DENND1A: variants seen among roughly 807,000 people sequenced by gnomAD.
DENND1A encodes the protein DENN domain containing 1A.
A neutral mutation model predicts 113.7 loss-of-function variants in DENND1A; 51 were observed. The ratio of observed to expected loss-of-function variants is 0.45; its 90% confidence interval spans 0.36 to 0.57. The LOEUF (loss-of-function observed/expected upper bound fraction) is 0.57, where lower values mean the gene tolerates loss of function less well. DENND1A is among the 20% of genes least tolerant of loss of function. The pLI is 0.00. For missense variants in DENND1A, 1,258 were observed against 1,395.9 expected, an observed-to-expected ratio of 0.90 and a Z score of 1.57; for synonymous variants, 565 against 570.8, an observed-to-expected ratio of 0.99 and a Z score of 0.14.
chr9:123,570,437 G>A (rs1175187140), intron 12 of DENND1A, among the ~76,000 whole-genome samples: 3 of 152,162 alleles, frequency 2.0e-5, no homozygotes, highest in African/African-American at 4.8e-5. Flanking sequence ...GAAAAATGAG[G>A]CACCACTAAA....
intron 21 of DENND1A, among the ~76,000 whole-genome samples, chr9:123,390,359 C>T (rs1475416663): frequency 6.6e-6 from 1 of 152,206 alleles, no homozygotes; most frequent in Non-Finnish European, 1.5e-5. Flanking sequence ...CAAAAGTGCT[C>T]CCCCTCTGGG....
chr9:123,858,810 A>G (rs1844656962), intron 2 of DENND1A, among the ~76,000 whole-genome samples: 1 of 152,236 alleles, frequency 6.6e-6, no homozygotes, highest in African/African-American at 2.4e-5. Context: ...TCCATAAACA[A>G]TTTGAAATGA....
chr9:123,460,214 T>C (rs1348496215), intron 13 of DENND1A, among the ~76,000 whole-genome samples: 1 of 152,212 alleles, frequency 6.6e-6, no homozygotes, highest in African/African-American at 2.4e-5. Context: ...TTATGTGCCA[T>C]TTATTACTTT....
chr9:123,601,603 C>A (rs2059936391), intron 11 of DENND1A, among the ~76,000 whole-genome samples: 1 of 152,154 alleles, frequency 6.6e-6, no homozygotes, highest in East Asian at 1.9e-4. Flanking sequence ...TTTTTCTTTA[C>A]AAAATAAAGC....
intron 5 of DENND1A, among the ~76,000 whole-genome samples, chr9:123,700,755 A>G (rs75135213): frequency 0.016 from 2,450 of 152,306 alleles, 57 homozygotes; most frequent in African/African-American, 0.055. Context: ...TTGACCAAAT[A>G]ATTAGGTACC....
At chr9:123,458,008 T>TC (rs1406959657) in intron 13 of DENND1A, 111 bp from the exon 14 acceptor site, 4 of 816,140 alleles carry the variant, frequency 4.9e-6, no homozygotes, top group Admixed American at 5.6e-5. Flanking sequence ...CTTTTCCTTT[T>TC]TTTTTTTTTT....
At chr9:123,556,341 A>G (rs910316478) in intron 13 of DENND1A, among the ~76,000 whole-genome samples, 1 of 152,134 alleles carries the variant, frequency 6.6e-6, no homozygotes, top group Non-Finnish European at 1.5e-5. Flanking sequence ...CACTTCACAG[A>G]GAGCAGGTCC....
At chr9:123,436,539 C>G (rs1588519060) in intron 19 of DENND1A, among the ~76,000 whole-genome samples, 1 of 152,244 alleles carries the variant, frequency 6.6e-6, no homozygotes, top group East Asian at 1.9e-4. Context: ...AAGGGGAAAA[C>G]AGTAATTTAA....
intron 19 of DENND1A, among the ~76,000 whole-genome samples, chr9:123,436,774 G>T (rs1463513385): frequency 1.3e-5 from 2 of 151,506 alleles, no homozygotes; most frequent in African/African-American, 4.9e-5. Flanking sequence ...TTGAGACAGG[G>T]TCTCGCTCTG....
chr9:123,892,061 G>C (rs1038465866), intron 1 of DENND1A, among the ~76,000 whole-genome samples: 3 of 152,154 alleles, frequency 2.0e-5, no homozygotes, highest in Non-Finnish European at 4.4e-5. Flanking sequence ...GGAGTGAAGA[G>C]AGCTGCACAG....
chr9:123,564,065 C>T (rs1215441356), intron 12 of DENND1A, among the ~76,000 whole-genome samples: 3 of 152,162 alleles, frequency 2.0e-5, no homozygotes, highest in African/African-American at 7.2e-5. Context: ...CAAGGACTTC[C>T]AGTTTAGCCC....
intron 5 of DENND1A, among the ~76,000 whole-genome samples, chr9:123,700,408 A>G (rs1266378183): frequency 2.0e-5 from 3 of 152,342 alleles, no homozygotes; most frequent in East Asian, 1.9e-4. Flanking sequence ...GTGTGTGTGT[A>G]TAAAGAGATT....
chr9:123,848,677 T>C (rs150448294), intron 2 of DENND1A, among the ~76,000 whole-genome samples: 10 of 152,298 alleles, frequency 6.6e-5, no homozygotes, highest in African/African-American at 1.4e-4. Flanking sequence ...CGAAGGCATA[T>C]TGAAAGTCAA....
intron 12 of DENND1A, among the ~76,000 whole-genome samples, chr9:123,582,476 T>A (rs1005947626): frequency 1.3e-5 from 2 of 151,930 alleles, no homozygotes; most frequent in South Asian, 4.2e-4. Flanking sequence ...CTCAGCTCAC[T>A]GCAACCTCTG....
intron 13 of DENND1A, among the ~76,000 whole-genome samples, chr9:123,460,429 G>A (rs1484845017): frequency 1.3e-5 from 2 of 152,116 alleles, no homozygotes; most frequent in African/African-American, 4.8e-5. Flanking sequence ...ACAAATCCTG[G>A]CAGCTCAGAC....
intron 18 of DENND1A, among the ~76,000 whole-genome samples, chr9:123,443,829 G>A (rs565688249): frequency 1.3e-5 from 2 of 152,314 alleles, no homozygotes; most frequent in South Asian, 2.1e-4. Context: ...GGCAGTGTAT[G>A]CCTGAATTCC....
chr9:123,531,661 A>G (rs983056120), intron 13 of DENND1A, among the ~76,000 whole-genome samples: 3 of 151,926 alleles, frequency 2.0e-5, no homozygotes, highest in African/African-American at 7.3e-5. Flanking sequence ...TTAAGAAAAA[A>G]TTGCAGACAT....
At chr9:123,913,968 C>T (rs961244224) in intron 1 of DENND1A, among the ~76,000 whole-genome samples, 5 of 151,434 alleles carry the variant, frequency 3.3e-5, no homozygotes, top group Non-Finnish European at 5.9e-5. Flanking sequence ...ACTTTCTGCA[C>T]TGCAGGCAGC....
intron 2 of DENND1A, among the ~76,000 whole-genome samples, chr9:123,857,823 G>C (rs1009905203): frequency 6.6e-6 from 1 of 152,126 alleles, no homozygotes; most frequent in African/African-American, 2.4e-5. Flanking sequence ...ACTTCGGGAG[G>C]CCGAGGCGGG....
Sources: allele counts gnomAD v4.1 joint callset (sites outside exome capture counted in the v4.1 genomes callset), GRCh38; gene constraint gnomAD v4.1.1; transcripts MANE v1.5; gene names NCBI Gene and HGNC (gene_info 2026-07-23, HGNC 2026-07-21).